Variants in KCND3 observed in about 807,000 individuals in gnomAD.
KCND3 encodes the protein A-type voltage-gated potassium channel KCND3.
Under a neutral mutation model 51.1 loss-of-function variants are expected in KCND3, and 9 were observed. The ratio of observed to expected loss-of-function variants is 0.18; its 90% CI spans 0.11 to 0.31. The LOEUF (loss-of-function observed/expected upper bound fraction) is 0.31. KCND3 is among the 10% of genes least tolerant of loss of function. The probability of loss-of-function intolerance (pLI) is 1.00; values close to 1 mark genes in which losing one functional copy is unlikely to be tolerated. For synonymous variants in KCND3, 349 were observed against 368.0 expected (o/e 0.95, Z 0.59); for missense variants, 526 against 903.8 (o/e 0.58, Z 5.36).
At chr1:111,838,883 G>A (rs1014753160) in intron 2 of KCND3, among the ~76,000 whole-genome samples, 2 of 152,078 alleles carry the variant, frequency 1.3e-5, no homozygotes, top group Non-Finnish European at 2.9e-5. Flanking sequence ...CAATGTGATA[G>A]GGAATAACTT....
At chr1:111,948,303 C>T (rs1336044195) in intron 2 of KCND3, among the ~76,000 whole-genome samples, 1 of 152,216 alleles carries the variant, frequency 6.6e-6, no homozygotes, top group Non-Finnish European at 1.5e-5. Flanking sequence ...ACTCCAGCTC[C>T]TGGAAAAGCA....
chr1:111,827,330 G>T (rs574801991), intron 2 of KCND3, among the ~76,000 whole-genome samples: 1 of 152,230 alleles, frequency 6.6e-6, no homozygotes, highest in South Asian at 2.1e-4. Flanking sequence ...CAGCCTAGGG[G>T]TGGAGCCCAA....
intron 2 of KCND3, among the ~76,000 whole-genome samples, chr1:111,865,429 G>A (rs1423385627): frequency 6.6e-6 from 1 of 152,194 alleles, no homozygotes; most frequent in Non-Finnish European, 1.5e-5. Context: ...AAGAGGTCAG[G>A]GCTACACAGG....
intron 2 of KCND3, among the ~76,000 whole-genome samples, chr1:111,881,645 C>T (rs1031662132): frequency 6.6e-6 from 1 of 152,202 alleles, no homozygotes; most frequent in African/African-American, 2.4e-5. Context: ...TCCGGGGCAG[C>T]CCCTGGGGCA....
Position 111,780,944 on chromosome 1 carries a change from C to G in KCND3, c.1270-153G>C, listed in dbSNP as rs79167507. On this transcript the variant is annotated intron_variant, in intron 3 of 7. Transcript: ENST00000302127. This position sits in a 1 kb window ranked among gnomAD's most constrained non-coding sequence, Gnocchi z 4.2. ...ACCTCATGCATCTCCAGTTGTGTACCCACTTTGTATAGCTTGGTTGGGTCA... is the reference window on the plus strand; with the variant it reads ...ACCTCATGCATCTCCAGTTGTGTACGCACTTTGTATAGCTTGGTTGGGTCA... 0.013 allele frequency among the ~76,000 whole-genome samples: 1,922 copies of G among 152,272 alleles called. 44 individuals are homozygous for G. The highest frequency in any genetic ancestry group is 0.066 in the East Asian group (342 of 5,184).
At chr1:111,891,279 G>A (rs921411574) in intron 2 of KCND3, among the ~76,000 whole-genome samples, 1 of 152,198 alleles carries the variant, frequency 6.6e-6, no homozygotes, top group Non-Finnish European at 1.5e-5. Context: ...AGATGAATCA[G>A]ACCATTCTTT....
rs563395346 is a variant in KCND3, at chr1:111,841,073, T to C, written c.1107-53967A>G. 3.9e-5 allele frequency among the ~76,000 whole-genome samples: 6 copies of C among 152,350 alleles called. No individual in the cohort carries two copies. In the South Asian group the frequency reaches 1.2e-3, roughly 32 times the overall value. On this transcript the variant is annotated intron_variant, in intron 2 of 7. Transcript: ENST00000302127. ...TCCACCTTTTAAGGGATAAAATTAT[T>C]AGTGGGTCAAGTAAAAAATTTATCA...
At chr1:111,809,163 G>A (rs1665717814) in intron 2 of KCND3, among the ~76,000 whole-genome samples, 1 of 152,188 alleles carries the variant, frequency 6.6e-6, no homozygotes, top group African/African-American at 2.4e-5. Context: ...GCTGTTGAAG[G>A]TAGAGGTGGA....
At chr1:111,822,280 T>C (rs1666387039) in intron 2 of KCND3, among the ~76,000 whole-genome samples, 2 of 152,316 alleles carry the variant, frequency 1.3e-5, no homozygotes, top group Admixed American at 1.3e-4. Flanking sequence ...AGGCGTACTG[T>C]TTGGTGACAT....
At chr1:111,838,102 C>A (rs987441881) in intron 2 of KCND3, among the ~76,000 whole-genome samples, 1 of 152,122 alleles carries the variant, frequency 6.6e-6, no homozygotes, top group African/African-American at 2.4e-5. Flanking sequence ...TACACTACAC[C>A]CCTCCTTTCC....
intron 2 of KCND3, among the ~76,000 whole-genome samples, chr1:111,945,197 T>G (rs1020032356): frequency 1.3e-5 from 2 of 152,190 alleles, no homozygotes; most frequent in African/African-American, 4.8e-5. Flanking sequence ...GGCAGATGAT[T>G]TGTTGAGCAG....
intron 2 of KCND3, among the ~76,000 whole-genome samples, chr1:111,872,691 T>C (rs538216061): frequency 6.6e-6 from 1 of 152,164 alleles, no homozygotes; most frequent in South Asian, 2.1e-4. Context: ...TGCCAGACAA[T>C]AAATGAACAA....
intron 2 of KCND3, among the ~76,000 whole-genome samples, chr1:111,968,654 G>T (rs1484000594): frequency 2.0e-5 from 3 of 152,272 alleles, no homozygotes; most frequent in African/African-American, 7.2e-5. Flanking sequence ...AGAAGTGTCT[G>T]CAGGTCAATG....
intron 2 of KCND3, among the ~76,000 whole-genome samples, chr1:111,844,423 C>G (rs575876002): frequency 6.6e-6 from 1 of 152,180 alleles, no homozygotes; most frequent in South Asian, 2.1e-4. Context: ...TCTTTTTGGT[C>G]TCTGTCATTT....
intron 2 of KCND3, among the ~76,000 whole-genome samples, chr1:111,787,688 G>T (rs1019076041): frequency 6.6e-6 from 1 of 152,168 alleles, no homozygotes. Flanking sequence ...TCAGTGAGGC[G>T]CCATGAGGAG....
intron 2 of KCND3, among the ~76,000 whole-genome samples, chr1:111,938,557 G>C (rs573110934): frequency 6.6e-6 from 1 of 152,158 alleles, no homozygotes; most frequent in Non-Finnish European, 1.5e-5. Flanking sequence ...TAGAGACAGC[G>C]GCAGTGGGGA....
At chr1:111,856,324 C>A (rs191462995) in intron 2 of KCND3, among the ~76,000 whole-genome samples, 2 of 152,350 alleles carry the variant, frequency 1.3e-5, no homozygotes. Flanking sequence ...AAGTTGCTTG[C>A]CCTCTTTGGT....
chr1:111,826,696 A>G (rs1299894999), intron 2 of KCND3, among the ~76,000 whole-genome samples: 1 of 152,202 alleles, frequency 6.6e-6, no homozygotes, highest in Non-Finnish European at 1.5e-5. Context: ...CAGGGTTTCA[A>G]TAGGACAGTG....
At chr1:111,950,982 C>T (rs544391345) in intron 2 of KCND3, among the ~76,000 whole-genome samples, 17 of 152,070 alleles carry the variant, frequency 1.1e-4, no homozygotes, top group African/African-American at 3.9e-4. Context: ...ACTAGCCTGG[C>T]TAACATGGTG....
Sources: gnomAD v4.1 joint callset for allele counts (sites outside exome capture counted in the v4.1 genomes callset) on GRCh38, gnomAD v4.1.1 for gene constraint, Gnocchi (gnomAD v3.1) non-coding constraint, MANE v1.5 for transcripts, NCBI Gene and HGNC (gene_info 2026-07-23, HGNC 2026-07-21) for gene names.